The following XIRP2 variants were observed in gnomAD, a reference collection of about 807,000 sequenced individuals.
XIRP2 encodes the protein xin actin binding repeat containing 2.
Under a neutral mutation model 277.0 loss-of-function variants are expected in XIRP2, and 236 were observed. The ratio of observed to expected loss-of-function variants is 0.85; its 90% CI spans 0.77 to 0.95. The LOEUF is 0.95. Ranked by LOEUF, XIRP2 falls within the 40% of genes least tolerant of loss-of-function variation. The pLI, the probability that XIRP2 is intolerant of heterozygous loss-of-function variation, is 0.00. For missense variants in XIRP2, 4,640 were observed against 4,157.5 expected (o/e 1.12, Z -3.19); for synonymous variants, 1,490 against 1,416.5 (o/e 1.05, Z -1.17).
In XIRP2 at chr2:166,926,588, C is replaced by T. The variant is rs530298910; in HGVS notation, c.408+22698C>T. ...AATCTGCTTAGTGGTTATTCTTGAT[C>T]TCCCAGATTGACATTAACACTAGTG... is the stretch of plus-strand genomic sequence containing the variant. On this transcript the variant is annotated intron_variant, in intron 2 of 10. Coordinates refer to ENST00000409195, the MANE Select transcript of XIRP2 (RefSeq NM_152381.6). Among the ~76,000 whole-genome samples, 60 of 152,208 alleles carry T rather than the reference C, an allele frequency of 3.9e-4. 1 individual carries two copies. The South Asian group carries it at 4.1e-3, about 11-fold the overall frequency.
intron 2 of XIRP2, among the ~76,000 whole-genome samples, chr2:166,937,946 C>T (rs561538255): frequency 1.3e-5 from 2 of 152,226 alleles, no homozygotes; most frequent in Admixed American, 6.5e-5. Context: ...GTGATATCCC[C>T]TTTATCATTT....
At chr2:166,894,379 CA>C (rs1442644092) in intron 1 of XIRP2, among the ~76,000 whole-genome samples, 1 of 152,134 alleles carries the variant, frequency 6.6e-6, no homozygotes, top group Non-Finnish European at 1.5e-5. Context: ...ACGTGAATGT[CA>C]GCTCCATGTA....
At position 166,903,828 on chromosome 2, in the gene XIRP2, G is replaced by A. The variant is rs768013597; in HGVS notation, c.346G>A (p.Glu116Lys). The A allele has an allele frequency of 6.2e-7, 1 of 1,613,688 alleles. No homozygotes were observed. The highest frequency in any genetic ancestry group is 1.1e-5 in the South Asian group (1 of 91,076). ...RIERFSIALD[E>K]LRSVFEAPKS... Reference sequence around the variant, plus strand: ...TGAACGCTTTTCCATTGCCCTTGATGAGCTGAGGAGTGTGTTTGAGGCTCC... The same window carrying A: ...TGAACGCTTTTCCATTGCCCTTGATAAGCTGAGGAGTGTGTTTGAGGCTCC... The change falls in exon 2 of 11, where the codon GAG (glutamate) becomes AAG (lysine). Residue 116 changes from glutamate to lysine, a missense_variant. Glu to Lys is a moderately conservative substitution (Grantham distance 56). Coordinates refer to ENST00000409195, the MANE Select transcript of XIRP2 (RefSeq NM_152381.6).
chr2:166,894,966 G>A (rs1464865540), intron 1 of XIRP2, among the ~76,000 whole-genome samples: 1 of 152,170 alleles, frequency 6.6e-6, no homozygotes, highest in Non-Finnish European at 1.5e-5. Context: ...ATAAATAACG[G>A]ATACCAGCAG....
At chr2:166,944,053 T>C (rs1685790526) in intron 2 of XIRP2, among the ~76,000 whole-genome samples, 1 of 152,210 alleles carries the variant, frequency 6.6e-6, no homozygotes, top group South Asian at 2.1e-4. Context: ...CTCTGAATTG[T>C]TTCCCAACAG....
chr2:167,237,827 T>C (rs1472494246), intron 5 of XIRP2, among the ~76,000 whole-genome samples: 1 of 152,144 alleles, frequency 6.6e-6, no homozygotes, highest in East Asian at 1.9e-4. Context: ...AAGAAAGCCA[T>C]AGAATATTCC....
intron 3 of XIRP2, among the ~76,000 whole-genome samples, chr2:167,149,638 A>G (rs1691957876): frequency 6.6e-6 from 1 of 152,012 alleles, no homozygotes; most frequent in Non-Finnish European, 1.5e-5. Flanking sequence ...TTTAAAAGCT[A>G]CATATAAAAA....
chr2:166,965,263 C>A (rs1465831787), intron 2 of XIRP2, among the ~76,000 whole-genome samples: 2 of 151,904 alleles, frequency 1.3e-5, no homozygotes, highest in Non-Finnish European at 2.9e-5. Context: ...TCTACCAGAA[C>A]TCAGCTCCCA....
chr2:167,103,615 G>C (rs1012364362), intron 2 of XIRP2, among the ~76,000 whole-genome samples: 1 of 152,134 alleles, frequency 6.6e-6, no homozygotes, highest in East Asian at 1.9e-4. Flanking sequence ...GTGGTTATTT[G>C]ACCGGATGTT....
rs768540743 is a variant in XIRP2, at chr2:167,259,143, A to G, written c.*1326A>G. On this transcript the variant is annotated 3_prime_UTR_variant, in exon 11 of 11. Transcript: ENST00000409195. ...TTAATAGATTCTGTAGATCAAATTA[A>G]AAATATGCCATGCTTGGATTTAAGG... The G allele has an allele frequency of 1.2e-6, 2 of 1,612,668 alleles. No individual in the cohort carries two copies. The highest frequency in any genetic ancestry group is 4.5e-5 in the East Asian group (2 of 44,828).
intron 3 of XIRP2, among the ~76,000 whole-genome samples, chr2:167,200,850 G>A (rs1211316904): frequency 6.6e-6 from 1 of 152,060 alleles, no homozygotes; most frequent in Non-Finnish European, 1.5e-5. Flanking sequence ...TACCTGCCGG[G>A]TGTGGTGGCT....
chr2:167,230,267 T>G (rs962664436), intron 5 of XIRP2, among the ~76,000 whole-genome samples: 6 of 152,156 alleles, frequency 3.9e-5, no homozygotes, highest in African/African-American at 1.4e-4. Context: ...ATGAAGTCAG[T>G]ACTTTAGGTT....
chr2:166,932,467 G>A (rs536708748), intron 2 of XIRP2, among the ~76,000 whole-genome samples: 1 of 152,116 alleles, frequency 6.6e-6, no homozygotes, highest in African/African-American at 2.4e-5. Flanking sequence ...TCCCACCTCA[G>A]CTGAACGAAA....
rs1196101964 is a variant in XIRP2 at position 166,903,463 on chromosome 2, A to G, written c.-18-2A>G. On this transcript the variant is annotated splice_acceptor_variant, in intron 1 of 10. Transcript: ENST00000409195. LOFTEE classifies it low-confidence loss of function (5UTR_SPLICE). ...CTGATAAAAGGATTCTTGATATTGCAGGACAACCTGGACCCATCCATGTTC... is the reference window on the plus strand; with the variant it reads ...CTGATAAAAGGATTCTTGATATTGCGGGACAACCTGGACCCATCCATGTTC... 1.3e-6 allele frequency: 2 copies of G among 1,594,332 alleles called. No individual in the cohort carries two copies. Among genetic ancestry groups the G allele is most frequent in the Non-Finnish European group, 1.7e-6 (2 of 1,168,656 alleles).
chr2:167,039,114 A>G (rs930521088), intron 2 of XIRP2, among the ~76,000 whole-genome samples: 4 of 152,164 alleles, frequency 2.6e-5, no homozygotes, highest in African/African-American at 9.7e-5. Context: ...AATTTAGAAG[A>G]TATATACATA....
intron 3 of XIRP2, among the ~76,000 whole-genome samples, chr2:167,157,703 C>T (rs970425315): frequency 6.6e-6 from 1 of 152,016 alleles, no homozygotes; most frequent in Non-Finnish European, 1.5e-5. Flanking sequence ...GGGATGTTAT[C>T]AATTTTATGC....
At chr2:167,197,547 C>G (rs1034446240) in intron 3 of XIRP2, among the ~76,000 whole-genome samples, 1 of 151,938 alleles carries the variant, frequency 6.6e-6, no homozygotes, top group Non-Finnish European at 1.5e-5. Flanking sequence ...GTAACCAGTT[C>G]TGCAAAAATA....
intron 3 of XIRP2, among the ~76,000 whole-genome samples, chr2:167,180,346 T>G (rs774188925): frequency 2.6e-5 from 4 of 152,168 alleles, no homozygotes; most frequent in Non-Finnish European, 5.9e-5. Context: ...TACCTCTTCC[T>G]TCATATTAAT....
intron 2 of XIRP2, among the ~76,000 whole-genome samples, chr2:167,110,784 T>A (rs965770632): frequency 3.9e-5 from 6 of 152,348 alleles, no homozygotes; most frequent in Admixed American, 6.5e-5. Flanking sequence ...TTTAATGATA[T>A]TATTCTTCCT....
Sources: gnomAD v4.1 joint callset for allele counts (sites outside exome capture counted in the v4.1 genomes callset) on GRCh38, gnomAD v4.1.1 for gene constraint, MANE v1.5 for transcripts, NCBI Gene and HGNC (gene_info 2026-07-23, HGNC 2026-07-21) for gene names.